Variants in FRMD4B observed in about 807,000 individuals in gnomAD.
FRMD4B encodes the protein FERM domain-containing protein 4B.
In FRMD4B, 74 loss-of-function variants were observed where a neutral mutation model predicts 141.5. That is an observed-to-expected ratio of 0.52 (90% CI 0.43 to 0.63). FRMD4B has a LOEUF of 0.63. FRMD4B is among the 30% of genes least tolerant of loss of function. The probability of loss-of-function intolerance (pLI) is 0.00; values close to 1 mark genes in which losing one functional copy is unlikely to be tolerated. For synonymous variants in FRMD4B, 506 were observed against 467.9 expected, an observed-to-expected ratio of 1.08 and a Z score of -1.05; for missense variants, 1,366 against 1,253.4, an observed-to-expected ratio of 1.09 and a Z score of -1.36.
chr3:69,427,643 GTTTTTTTTT>G lies in FRMD4B; in HGVS notation c.-1+4982_-1+4990del, dbSNP rs774316609. On this transcript the variant is annotated intron_variant, in intron 2 of 5. Coordinates refer to the FRMD4B transcript ENST00000459638. ...GTGTTTAGTAAGAAGCTAGGTAAAT[GTTTTTTTTT>G]TTTTTTTTTTTTTTTTTTTTTGAGA... 2.2e-3 allele frequency among the ~76,000 whole-genome samples: 79 copies of G among 36,224 alleles called. 1 individual carries two copies. Among genetic ancestry groups the G allele is most frequent in the Middle Eastern group, 0.023 (1 of 44 alleles). The allele number at this position is 36,224 out of a possible 152,430, so 23.8% of individuals were successfully genotyped here.
At chr3:69,428,936 A>G (rs1448859599) in intron 2 of FRMD4B, among the ~76,000 whole-genome samples, 1 of 152,204 alleles carries the variant, frequency 6.6e-6, no homozygotes, top group South Asian at 2.1e-4. Flanking sequence ...TACAAGTAAG[A>G]TCACACTGTA....
Position 69,170,279 on chromosome 3 carries a change from C to A in FRMD4B, c.*1582G>T, listed in dbSNP as rs1211286585. ...AACGTAAACATTTTCAGTAGCACAC[C>A]TTTTGTTTATTGACCTATGTAAAAA... On this transcript the variant is annotated 3_prime_UTR_variant, in exon 23 of 23. Coordinates refer to ENST00000398540, the MANE Select transcript of FRMD4B (RefSeq NM_015123.3). 6.6e-6 allele frequency: 1 copy of A among 152,106 alleles called. No individual in the cohort carries two copies. Among genetic ancestry groups the A allele is most frequent in the Admixed American group, 6.5e-5 (1 of 15,276 alleles). 9.4% of individuals were successfully genotyped at this position (152,106 alleles called of 1,614,324 possible). A position where few individuals can be genotyped will look rare whatever the true frequency, so the allele number is the denominator to read the frequency against.
chr3:69,175,351 G>A (rs959831134), intron 22 of FRMD4B, among the ~76,000 whole-genome samples: 6 of 152,166 alleles, frequency 3.9e-5, no homozygotes, highest in Non-Finnish European at 7.3e-5. Flanking sequence ...CTTAATTCCT[G>A]TGCATAACAA....
At chr3:69,366,279 A>AAAAACG (rs1703652083) in intron 1 of FRMD4B, among the ~76,000 whole-genome samples, 1 of 111,420 alleles carries the variant, frequency 9.0e-6, no homozygotes, top group Admixed American at 8.8e-5. Context: ...AAACAAAAAC[A>AAAAACG]AAAACAAAAA....
At chr3:69,406,916 T>A (rs921145117) in intron 2 of FRMD4B, among the ~76,000 whole-genome samples, 1 of 150,166 alleles carries the variant, frequency 6.7e-6, no homozygotes, top group African/African-American at 2.4e-5. Flanking sequence ...TTTTAATTTT[T>A]TTTTTTTTTT....
At chr3:69,229,015 G>GTTTTTTTTTTTTTTTTTTT (rs58912710) in intron 7 of FRMD4B, among the ~76,000 whole-genome samples, 4 of 120,984 alleles carry the variant, frequency 3.3e-5, no homozygotes, top group Non-Finnish European at 5.0e-5. Context: ...TCAAAATCAT[G>GTTTTTTTTTTTTTTTTTTT]TTTTTTTTTT....
At chr3:69,370,332 T>C (rs1052260534) in intron 1 of FRMD4B, among the ~76,000 whole-genome samples, 4 of 152,072 alleles carry the variant, frequency 2.6e-5, no homozygotes, top group Non-Finnish European at 5.9e-5. Flanking sequence ...GTGCAGGAAA[T>C]AGCGATCGCT....
chr3:69,195,399 C>A, intron 14 of FRMD4B, 35 bp from the exon 15 acceptor site: 1 of 1,561,050 alleles, frequency 6.4e-7, no homozygotes, highest in South Asian at 1.2e-5. Context: ...AAGGTTTATA[C>A]AAGGGATGTT....
chr3:69,413,546 T>C (rs1054018997), intron 2 of FRMD4B, among the ~76,000 whole-genome samples: 3 of 152,228 alleles, frequency 2.0e-5, no homozygotes, highest in Admixed American at 1.3e-4. Flanking sequence ...CTGCCCATAG[T>C]CACAAATCAC....
chr3:69,296,135 G>A (rs931199617), intron 4 of FRMD4B, among the ~76,000 whole-genome samples: 8 of 151,944 alleles, frequency 5.3e-5, no homozygotes, highest in Admixed American at 2.0e-4. Context: ...CCCACAATAC[G>A]ATTTCTTTAC....
intron 5 of FRMD4B, among the ~76,000 whole-genome samples, chr3:69,276,726 G>A (rs1036972000): frequency 1.3e-5 from 2 of 152,140 alleles, no homozygotes; most frequent in Admixed American, 1.3e-4. Context: ...ACAATTTGGG[G>A]GGCTGAGGTG....
At chr3:69,253,139 T>C (rs975251212) in intron 5 of FRMD4B, among the ~76,000 whole-genome samples, 3 of 151,308 alleles carry the variant, frequency 2.0e-5, no homozygotes, top group Non-Finnish European at 4.4e-5. Flanking sequence ...GAATCAAAGA[T>C]AGTTTTGGGG....
At chr3:69,325,105 G>GAAAGAAAGAA (rs1553724262) in intron 1 of FRMD4B, among the ~76,000 whole-genome samples, 1 of 151,100 alleles carries the variant, frequency 6.6e-6, no homozygotes, top group African/African-American at 2.4e-5. Context: ...AAGAAAGAAA[G>GAAAGAAAGAA]AAAGAAAGAA....
intron 1 of FRMD4B, among the ~76,000 whole-genome samples, chr3:69,458,044 T>C (rs1002525659): frequency 2.0e-5 from 3 of 152,216 alleles, no homozygotes; most frequent in African/African-American, 7.2e-5. Context: ...CTTCTTTCTC[T>C]TGCTTCCTGG....
At chr3:69,386,585 T>A (rs1346958316), upstream of FRMD4B, among the ~76,000 whole-genome samples, 1 of 148,720 alleles carries the variant, frequency 6.7e-6, no homozygotes, top group African/African-American at 2.5e-5. Context: ...AAAAAAAAAA[T>A]CTCCAAGGCA....
chr3:69,245,357 T>G (rs979256154), intron 7 of FRMD4B, among the ~76,000 whole-genome samples: 51 of 145,562 alleles, frequency 3.5e-4, no homozygotes, highest in Non-Finnish European at 6.8e-4. Context: ...GTGTGTGTTT[T>G]TAGACAGAGT....
intron 2 of FRMD4B, among the ~76,000 whole-genome samples, chr3:69,394,092 C>A (rs1704434569): frequency 6.6e-6 from 1 of 152,200 alleles, no homozygotes; most frequent in African/African-American, 2.4e-5. Flanking sequence ...GACTGAGTGG[C>A]CTAAACAACA....
intron 11 of FRMD4B, among the ~76,000 whole-genome samples, chr3:69,206,091 C>A (rs1233044511): frequency 6.6e-6 from 1 of 152,144 alleles, no homozygotes; most frequent in Non-Finnish European, 1.5e-5. Context: ...GTGGCTCACT[C>A]CTGTAATTCC....
chr3:69,345,486 T>C (rs1227904357), intron 1 of FRMD4B, among the ~76,000 whole-genome samples: 2 of 151,810 alleles, frequency 1.3e-5, no homozygotes, highest in African/African-American at 4.8e-5. Context: ...TTGAAGAGAG[T>C]AGTTGTTCTC....
Sources: allele counts gnomAD v4.1 joint callset (sites outside exome capture counted in the v4.1 genomes callset), GRCh38; gene constraint gnomAD v4.1.1; transcripts MANE v1.5; gene names NCBI Gene and HGNC (gene_info 2026-07-23, HGNC 2026-07-21).